Variants in EFHB observed in about 807,000 individuals in gnomAD.
The protein encoded by EFHB is EF-hand domain-containing family member B.
Under a neutral mutation model 87.2 loss-of-function variants are expected in EFHB, and 91 were observed. The observed-to-expected ratio is 1.04, with a 90% CI of 0.88 to 1.24. The LOEUF is 1.24. Among genes scored for constraint, EFHB ranks in the 50% most tolerant of loss-of-function variants. The pLI is 0.00. For synonymous variants in EFHB, 325 were observed against 333.6 expected (o/e 0.97, Z 0.28); for missense variants, 1,084 against 998.8 (o/e 1.09, Z -1.15).
chr3:19,939,631 G>C (rs1370285091), intron 1 of EFHB, among the ~76,000 whole-genome samples: 1 of 151,906 alleles, frequency 6.6e-6, no homozygotes. Flanking sequence ...TGATCCGCCC[G>C]CCTCGACCTC....
intron 6 of EFHB, among the ~76,000 whole-genome samples, chr3:19,900,030 G>A (rs538274134): frequency 1.3e-5 from 2 of 152,212 alleles, no homozygotes; most frequent in Non-Finnish European, 2.9e-5. Flanking sequence ...CTGAGATGAC[G>A]TCACTGTACT....
At chr3:19,911,305 TA>T (rs1695054278) in intron 5 of EFHB, among the ~76,000 whole-genome samples, 1 of 152,150 alleles carries the variant, frequency 6.6e-6, no homozygotes, top group African/African-American at 2.4e-5. Flanking sequence ...CTCACACCTG[TA>T]ATCTGAGCAC....
chr3:19,939,005 C>T (rs1035791694), upstream of EFHB, among the ~76,000 whole-genome samples: 4 of 152,150 alleles, frequency 2.6e-5, no homozygotes, highest in Non-Finnish European at 4.4e-5. Context: ...CTCCAGGGCT[C>T]AAGCGATTCT....
chr3:19,926,141 CCCAAAA>C (rs534807519), intron 1 of EFHB, among the ~76,000 whole-genome samples: 8,599 of 152,182 alleles, frequency 0.057, 801 homozygotes, highest in African/African-American at 0.19. Flanking sequence ...TCCACCTATT[CCCAAAA>C]TAGCTGTCAG....
chr3:19,940,738 C>A, intron 1 of EFHB: 1 of 337,800 alleles, frequency 3.0e-6, no homozygotes, highest in South Asian at 2.4e-5. Context: ...ATGCCATTGG[C>A]ATCAATATCA....
At chr3:19,936,074 C>T (rs1295870133), upstream of EFHB, 5 of 1,146,918 alleles carry the variant, frequency 4.4e-6, no homozygotes, top group African/African-American at 8.5e-5. Flanking sequence ...CAGAACTCTA[C>T]AAAAACCCCT....
chr3:19,928,563 G>A (rs1328738756), intron 1 of EFHB, among the ~76,000 whole-genome samples: 2 of 152,184 alleles, frequency 1.3e-5, no homozygotes, highest in East Asian at 3.8e-4. Context: ...TCCTGCCTCA[G>A]CCTCCAGAGT....
chr3:19,896,845 T>A lies in EFHB; in HGVS notation c.1571-4A>T. 6.3e-7 allele frequency: 1 copy of A among 1,594,018 alleles called. No homozygotes were observed. The highest frequency in any genetic ancestry group is 8.5e-7 in the Non-Finnish European group (1 of 1,170,012). ...TTATGGATGAGATCACCAACTCCTATTGAAGAGAGAAAAAACTTTTTACAT... is the reference window on the plus strand; with the variant it reads ...TTATGGATGAGATCACCAACTCCTAATGAAGAGAGAAAAAACTTTTTACAT... On this transcript the variant is annotated splice_polypyrimidine_tract_variant and splice_region_variant and intron_variant, in intron 8 of 12. Transcript: ENST00000295824.
intron 7 of EFHB, 33 bp from the exon 8 acceptor site, chr3:19,898,878 C>T (rs1158092994): frequency 1.3e-6 from 2 of 1,597,554 alleles, no homozygotes; most frequent in East Asian, 2.2e-5. Flanking sequence ...AGTTAAAATA[C>T]CCACCACATG....
chr3:19,881,949 A>G (rs1300336259), intron 12 of EFHB, among the ~76,000 whole-genome samples: 1 of 151,676 alleles, frequency 6.6e-6, no homozygotes, highest in Non-Finnish European at 1.5e-5. Flanking sequence ...TGGTTTTATA[A>G]CCCTAGCTTT....
intron 1 of EFHB, among the ~76,000 whole-genome samples, chr3:19,932,657 G>A (rs1407780137): frequency 2.6e-5 from 4 of 152,208 alleles, no homozygotes; most frequent in Non-Finnish European, 5.9e-5. Flanking sequence ...TGTATTCAGA[G>A]TGTACTTCTA....
chr3:19,918,979 CAAAAAAA>C (rs11356910), intron 3 of EFHB, among the ~76,000 whole-genome samples: 117 of 75,998 alleles, frequency 1.5e-3, no homozygotes, highest in Non-Finnish European at 2.2e-3. Context: ...GACTCAGTCT[CAAAAAAA>C]AAAAAAAAAA....
chr3:19,936,721 A>T (rs1467946135), upstream of EFHB, among the ~76,000 whole-genome samples: 1 of 151,826 alleles, frequency 6.6e-6, no homozygotes, highest in Admixed American at 6.6e-5. Flanking sequence ...TACAAAAATG[A>T]GCTGGACATG....
At chr3:19,936,548 A>T (rs1197324125), upstream of EFHB, among the ~76,000 whole-genome samples, 1 of 152,036 alleles carries the variant, frequency 6.6e-6, no homozygotes, top group Non-Finnish European at 1.5e-5. Context: ...TGGGTGATAC[A>T]GTGAGATCCT....
intron 1 of EFHB, among the ~76,000 whole-genome samples, chr3:19,946,680 C>G (rs1433829390): frequency 6.6e-6 from 1 of 152,152 alleles, no homozygotes; most frequent in Non-Finnish European, 1.5e-5. Flanking sequence ...GGAGGAGGTT[C>G]TCTCGTGCTA....
chr3:19,905,500 G>A (rs2931394), intron 6 of EFHB, 120 bp downstream of exon 6: 837,286 of 1,104,412 alleles, frequency 0.76, 325,671 homozygotes, highest in African/African-American at 0.88. Flanking sequence ...TTTTTTTCTA[G>A]TCATCTTGTT....
Position 19,933,743 on chromosome 3 carries a change from G to A in EFHB, c.276C>T (p.Asp92=). 1.2e-6 allele frequency: 2 copies of A among 1,613,958 alleles called. No homozygotes were observed. Among genetic ancestry groups the A allele is most frequent in the Non-Finnish European group, 1.7e-6 (2 of 1,179,878 alleles). The change falls in exon 1 of 13, where the codon GAC becomes GAT. Residue 92 remains aspartate, a synonymous_variant. Transcript: ENST00000295824. ...TTGTTCCCTGTGAAGCTGAGACACT[G>A]TCGACTCCTAAACTACCCCTCTGCA... ...TVMQRGSLGV[D]SVSASQGTKP...
chr3:19,908,247 T>C (rs1694904959), intron 5 of EFHB, among the ~76,000 whole-genome samples: 1 of 152,112 alleles, frequency 6.6e-6, no homozygotes, highest in African/African-American at 2.4e-5. Flanking sequence ...ATGAACATAT[T>C]ATCGGCTGGG....
intron 1 of EFHB, among the ~76,000 whole-genome samples, chr3:19,944,583 T>C (rs2125173247): frequency 6.6e-6 from 1 of 152,352 alleles, no homozygotes; most frequent in African/African-American, 2.4e-5. Context: ...ACCGGATCTT[T>C]AGAAATGCCA....
Sources: gnomAD v4.1 joint callset for allele counts (sites outside exome capture counted in the v4.1 genomes callset) on GRCh38, gnomAD v4.1.1 for gene constraint, MANE v1.5 for transcripts, NCBI Gene and HGNC (gene_info 2026-07-23, HGNC 2026-07-21) for gene names.